NPHP4: variants seen among roughly 807,000 people sequenced by gnomAD.
NPHP4 encodes nephrocystin-4.
Under a neutral mutation model 155.8 loss-of-function variants are expected in NPHP4, and 151 were observed. The ratio of observed to expected loss-of-function variants is 0.97; its 90% CI spans 0.85 to 1.11. NPHP4 has a LOEUF of 1.11. NPHP4 is among the 50% of genes least tolerant of loss of function. NPHP4 has a pLI of 0.00. For synonymous variants in NPHP4, 845 were observed against 816.8 expected (o/e 1.03, Z -0.59); for missense variants, 1,956 against 1,925.7 (o/e 1.02, Z -0.29).
At chr1:5,869,193 GCA>G (rs1376299824) in intron 23 of NPHP4, among the ~76,000 whole-genome samples, 5 of 133,376 alleles carry the variant, frequency 3.7e-5, no homozygotes, top group Admixed American at 7.7e-5. Context: ...ACACATACAT[GCA>G]CACATATCCA....
intron 18 of NPHP4, among the ~76,000 whole-genome samples, chr1:5,885,760 CAG>C (rs1643745126): frequency 1.3e-5 from 2 of 152,228 alleles, no homozygotes; most frequent in African/African-American, 4.8e-5. Flanking sequence ...ACGCTGCTAG[CAG>C]AGAGACGCCT....
chr1:5,914,812 A>G (rs1422696500), intron 11 of NPHP4, among the ~76,000 whole-genome samples: 1 of 152,186 alleles, frequency 6.6e-6, no homozygotes, highest in Non-Finnish European at 1.5e-5. Flanking sequence ...GGACACATGC[A>G]TGGAGGCCAA....
chr1:5,953,598 G>A (rs1308312614), intron 6 of NPHP4, among the ~76,000 whole-genome samples: 1 of 152,226 alleles, frequency 6.6e-6, no homozygotes, highest in Admixed American at 6.5e-5. Flanking sequence ...GCATGAGCCT[G>A]TCAAGGCAAC....
At chr1:5,970,074 A>C (rs567241169) in intron 3 of NPHP4, among the ~76,000 whole-genome samples, 158 of 152,240 alleles carry the variant, frequency 1.0e-3, no homozygotes, top group African/African-American at 3.7e-3. Flanking sequence ...CAGGGAGAGG[A>C]GGCCTGGGAA....
intron 6 of NPHP4, among the ~76,000 whole-genome samples, chr1:5,955,458 A>G (rs920165663): frequency 1.3e-5 from 2 of 152,272 alleles, no homozygotes; most frequent in African/African-American, 4.8e-5. Flanking sequence ...AGCACTATTC[A>G]CAACAGTGGA....
chr1:5,912,586 CCA>C (rs1464316749), intron 11 of NPHP4, among the ~76,000 whole-genome samples: 1 of 151,662 alleles, frequency 6.6e-6, no homozygotes, highest in African/African-American at 2.4e-5. Context: ...TGAAAGAAAC[CCA>C]CAGTGTATAC....
chr1:5,934,544 C>G (rs1288937159), intron 9 of NPHP4, among the ~76,000 whole-genome samples: 1 of 152,188 alleles, frequency 6.6e-6, no homozygotes, highest in Non-Finnish European at 1.5e-5. Context: ...GGCTTCCCCC[C>G]AGCCCTGGCT....
chr1:5,895,283 G>T lies in NPHP4; in HGVS notation c.2144-4255C>A, dbSNP rs1037524587. On this transcript the variant is annotated intron_variant, in intron 16 of 29. Transcript: ENST00000378156. ...ACCAACATGGCACATGTATACAAATGTAACAAACCTGCACGTTGGGCACGT... is the reference window on the plus strand; with the variant it reads ...ACCAACATGGCACATGTATACAAATTTAACAAACCTGCACGTTGGGCACGT... Among the ~76,000 whole-genome samples, 3 of 152,040 alleles carry T rather than the reference G, an allele frequency of 2.0e-5. No homozygotes were observed. The South Asian group carries it at 6.3e-4, about 32-fold the overall frequency.
intron 17 of NPHP4, chr1:5,888,233 G>T: frequency 3.0e-6 from 2 of 664,756 alleles, no homozygotes; most frequent in Non-Finnish European, 3.7e-6. Flanking sequence ...AGATTCCACG[G>T]CTCAGCACTC....
intron 11 of NPHP4, among the ~76,000 whole-genome samples, chr1:5,915,670 G>A (rs1036456555): frequency 3.3e-5 from 5 of 152,232 alleles, no homozygotes; most frequent in South Asian, 4.1e-4. Context: ...GGCCCAAGCC[G>A]AGTGGGGAGT....
In NPHP4 at chr1:5,955,232, T is replaced by C. The variant is rs568316122; in HGVS notation, c.674-2396A>G. On this transcript the variant is annotated intron_variant, in intron 6 of 29. Coordinates refer to ENST00000378156, the MANE Select transcript of NPHP4 (RefSeq NM_015102.5). Reference sequence around the variant, plus strand: ...CCACCATCAAAAAGATAAAAGAAAATAAGCATTGGTGAGGACGTGGAGAAA... The same window carrying C: ...CCACCATCAAAAAGATAAAAGAAAACAAGCATTGGTGAGGACGTGGAGAAA... 2.6e-5 allele frequency among the ~76,000 whole-genome samples: 4 copies of C among 151,928 alleles called. No homozygotes were observed. In the East Asian group the frequency reaches 5.8e-4, roughly 22 times the overall value.
intron 9 of NPHP4, among the ~76,000 whole-genome samples, chr1:5,946,871 G>A (rs1431966244): frequency 6.6e-6 from 1 of 152,258 alleles, no homozygotes; most frequent in Non-Finnish European, 1.5e-5. Context: ...GCGGTGCCCA[G>A]GAGGGCATGG....
chr1:5,981,406 T>C (rs1217626106), intron 2 of NPHP4, among the ~76,000 whole-genome samples: 3 of 152,040 alleles, frequency 2.0e-5, no homozygotes, highest in Non-Finnish European at 4.4e-5. Context: ...TGGTGCCCAA[T>C]ACATATCAAG....
At chr1:5,964,915 TATTATATATA>T (rs1434511788) in intron 5 of NPHP4, among the ~76,000 whole-genome samples, 1 of 87,800 alleles carries the variant, frequency 1.1e-5, no homozygotes, top group Non-Finnish European at 2.2e-5. Context: ...AATACATATA[TATTATATATA>T]TATATATATA....
chr1:5,940,306 G>A (rs1646756387), intron 9 of NPHP4, among the ~76,000 whole-genome samples: 5 of 152,016 alleles, frequency 3.3e-5, no homozygotes, highest in Admixed American at 2.0e-4. Context: ...TTTCGCTAGG[G>A]AGTGACGTAA....
intron 9 of NPHP4, among the ~76,000 whole-genome samples, chr1:5,946,048 G>T (rs573051438): frequency 1.3e-5 from 2 of 152,228 alleles, no homozygotes; most frequent in Admixed American, 6.5e-5. Flanking sequence ...TATTGTTATT[G>T]TTGTTAAATA....
Position 5,866,433 on chromosome 1 carries a change from A to G in NPHP4, c.3584T>C (p.Phe1195Ser). ...NVGPGEPRDIFLKVASGPSPE... is the reference protein window; with the variant it reads ...NVGPGEPRDISLKVASGPSPE... ...GCTTGGACCACTGGCCACCTTCAGA[A>G]ATATGTCCCGTGGTTCCCCGGGGCC... Residue 1195 changes from phenylalanine (F) to serine (S), a missense_variant, in exon 26 of 30, where the codon TTT becomes TCT. Physicochemically the swap from Phe to Ser is radical, Grantham distance 155. Transcript: ENST00000378156. 6.2e-7 allele frequency: 1 copy of G among 1,606,662 alleles called. No homozygotes were observed. The highest frequency in any genetic ancestry group is 8.5e-7 in the Non-Finnish European group (1 of 1,176,134).
At chr1:5,916,286 A>C (rs530393129) in intron 11 of NPHP4, among the ~76,000 whole-genome samples, 1 of 152,228 alleles carries the variant, frequency 6.6e-6, no homozygotes, top group Non-Finnish European at 1.5e-5. Flanking sequence ...AAAGTACCTC[A>C]CTTAAAGTGA....
chr1:5,934,520 G>T (rs780750151), intron 9 of NPHP4, among the ~76,000 whole-genome samples: 2 of 152,128 alleles, frequency 1.3e-5, no homozygotes, highest in Non-Finnish European at 2.9e-5. Flanking sequence ...TTCCTACAGT[G>T]CTCCACTTGC....
Sources: allele counts gnomAD v4.1 joint callset (sites outside exome capture counted in the v4.1 genomes callset), GRCh38; gene constraint gnomAD v4.1.1; transcripts MANE v1.5; gene names NCBI Gene and HGNC (gene_info 2026-07-23, HGNC 2026-07-21).